ENOPH1: variants seen among roughly 807,000 people sequenced by gnomAD.
The protein encoded by ENOPH1 is enolase-phosphatase 1, also known as enolase-phosphatase E1.
A neutral mutation model predicts 31.1 loss-of-function variants in ENOPH1; 14 were observed. That is an observed-to-expected ratio of 0.45 (90% CI 0.30 to 0.70). The LOEUF is 0.70. Ranked by LOEUF, ENOPH1 falls within the 30% of genes least tolerant of loss-of-function variation. The probability of loss-of-function intolerance (pLI) is 0.09; values close to 1 mark genes in which losing one functional copy is unlikely to be tolerated. For missense variants in ENOPH1, 243 were observed against 321.5 expected, an observed-to-expected ratio of 0.76 and a Z score of 1.87; for synonymous variants, 127 against 123.2, an observed-to-expected ratio of 1.03 and a Z score of -0.21.
Position 82,447,973 on chromosome 4 carries a change from T to C in ENOPH1, c.138T>C (p.His46=), listed in dbSNP as rs1400390260. 3.1e-6 allele frequency: 5 copies of C among 1,613,340 alleles called. No individual in the cohort carries two copies. In the South Asian group the frequency reaches 3.3e-5, roughly 11 times the overall value. The change falls in exon 2 of 6, where the codon CAT becomes CAC. Residue 46 remains histidine (H), a synonymous_variant. Coordinates refer to ENST00000273920, the MANE Select transcript of ENOPH1 (RefSeq NM_021204.5). ...ATGTTAAAGAGTATCTGCAGACACA[T>C]TGGGAAGAAGAGGAGTGCCAGCAGG... ...EENVKEYLQT[H]WEEEECQQDV...
intron 1 of ENOPH1, among the ~76,000 whole-genome samples, chr4:82,435,072 G>A (rs544676018): frequency 1.3e-5 from 2 of 152,170 alleles, no homozygotes; most frequent in South Asian, 4.1e-4. Context: ...GCACTTTACC[G>A]CAGGACACAT....
At position 82,459,992 on chromosome 4, in the gene ENOPH1, G is replaced by C; in HGVS notation, c.658G>C (p.Ala220Pro). Residue 220 changes from alanine to proline, a missense_variant, in exon 6 of 6, where the codon GCT becomes CCT. Physicochemically the swap from Ala to Pro is conservative, Grantham distance 27. Transcript: ENST00000273920. ...LTDVTREASA[A>P]EEADVHVAVV... ...TTGATTTTTCACAGAGGCCAGTGCT[G>C]CTGAGGAAGCAGATGTGCACGTAGC... 1.2e-6 allele frequency: 2 copies of C among 1,613,842 alleles called. No individual in the cohort carries two copies. The highest frequency in any genetic ancestry group is 2.2e-5 in the South Asian group (2 of 91,064).
intron 1 of ENOPH1, among the ~76,000 whole-genome samples, chr4:82,445,248 C>A (rs762299658): frequency 1.3e-5 from 2 of 151,874 alleles, no homozygotes; most frequent in Non-Finnish European, 2.9e-5. Context: ...AAAAAAAATT[C>A]TTATAATGTA....
chr4:82,459,603 T>C (rs1276521466), intron 5 of ENOPH1, among the ~76,000 whole-genome samples: 1 of 152,042 alleles, frequency 6.6e-6, no homozygotes, highest in Non-Finnish European at 1.5e-5. Flanking sequence ...ACCAACAGCT[T>C]GTCCTTTGGG....
At chr4:82,440,607 A>C (rs989049246) in intron 1 of ENOPH1, among the ~76,000 whole-genome samples, 2 of 152,210 alleles carry the variant, frequency 1.3e-5, no homozygotes, top group Non-Finnish European at 2.9e-5. Context: ...GGGCCAGTCA[A>C]GTTCCCTTTC....
intron 2 of ENOPH1, among the ~76,000 whole-genome samples, chr4:82,450,234 T>C (rs12510535): frequency 0.094 from 14,254 of 152,260 alleles, 717 homozygotes; most frequent in Admixed American, 0.14. Context: ...GGAAACTAAG[T>C]GAAATGACAC....
intron 2 of ENOPH1, among the ~76,000 whole-genome samples, chr4:82,449,288 C>G (rs1722284004): frequency 6.6e-6 from 1 of 152,124 alleles, no homozygotes; most frequent in Non-Finnish European, 1.5e-5. Flanking sequence ...TTTGAGCAGT[C>G]TCTACATTTT....
intron 3 of ENOPH1, 72 bp from the exon 4 acceptor site, chr4:82,454,650 A>T (rs562452361): frequency 1.3e-6 from 2 of 1,514,458 alleles, no homozygotes; most frequent in African/African-American, 2.8e-5. Context: ...AACATATGGC[A>T]TCTGTTTTGA....
chr4:82,458,525 TA>T (rs1220837342), intron 5 of ENOPH1, among the ~76,000 whole-genome samples: 1 of 151,758 alleles, frequency 6.6e-6, no homozygotes, highest in Non-Finnish European at 1.5e-5. Context: ...CACAATAAAA[TA>T]AAAAATAAAA....
intron 1 of ENOPH1, among the ~76,000 whole-genome samples, chr4:82,445,237 A>G (rs1292044065): frequency 7.5e-6 from 1 of 133,634 alleles, no homozygotes; most frequent in Non-Finnish European, 1.7e-5. Flanking sequence ...TCAAAAAAGA[A>G]AAAAAAAATT....
rs748038687 is a variant in ENOPH1, at chr4:82,430,936, G to A, written c.84+23G>A. 4.4e-6 allele frequency: 7 copies of A among 1,603,154 alleles called. No homozygotes were observed. In the Admixed American group the frequency reaches 8.3e-5, roughly 19 times the overall value. On this transcript the variant is annotated intron_variant, in intron 1 of 5. Transcript: ENST00000273920. Reference sequence around the variant, plus strand: ...AAGGTGAGGGGCGGAAGGGAGCGGGGATGTTACTTTTCCTTAAAAACAGTT... The same window carrying A: ...AAGGTGAGGGGCGGAAGGGAGCGGGAATGTTACTTTTCCTTAAAAACAGTT...
rs1480055109 is a variant in ENOPH1 at position 82,451,139 on chromosome 4, G to A, written c.283G>A (p.Asp95Asn). 6.2e-7 allele frequency: 1 copy of A among 1,614,236 alleles called. No homozygotes were observed. Among genetic ancestry groups the A allele is most frequent in the Non-Finnish European group, 8.5e-7 (1 of 1,180,044 alleles). ...GCAACAGATGATCCAGGCCGTGGTAGATAATGTGTGCTGGCAGATGTCCCT... is the reference window on the plus strand; with the variant it reads ...GCAACAGATGATCCAGGCCGTGGTAAATAATGTGTGCTGGCAGATGTCCCT... ...DLQQMIQAVV[D>N]NVCWQMSLDR... Residue 95 changes from aspartate (D) to asparagine (N), a missense_variant, in exon 3 of 6, where the codon GAT becomes AAT. By Grantham distance (23) the Asp-to-Asn change is conservative (BLOSUM62 1). Transcript: ENST00000273920.
intron 2 of ENOPH1, 92 bp from the exon 3 acceptor site, chr4:82,450,951 G>A: frequency 9.9e-7 from 1 of 1,011,466 alleles, no homozygotes; most frequent in Admixed American, 2.1e-5. Context: ...TAATGATGGA[G>A]AAAGTTGTTC....
At chr4:82,433,744 TAC>T (rs1028263938) in intron 1 of ENOPH1, among the ~76,000 whole-genome samples, 13 of 152,212 alleles carry the variant, frequency 8.5e-5, no homozygotes, top group African/African-American at 3.1e-4. Context: ...TATACACACA[TAC>T]ACACTTTGTG....
At chr4:82,442,503 G>C (rs972594722) in intron 1 of ENOPH1, among the ~76,000 whole-genome samples, 1 of 152,034 alleles carries the variant, frequency 6.6e-6, no homozygotes, top group Non-Finnish European at 1.5e-5. Flanking sequence ...CTGGGTGACA[G>C]AGCGAGACTC....
intron 1 of ENOPH1, among the ~76,000 whole-genome samples, chr4:82,447,110 C>T (rs980169825): frequency 3.3e-5 from 5 of 152,002 alleles, no homozygotes; most frequent in African/African-American, 1.2e-4. Flanking sequence ...CTCAGCCTCC[C>T]GAGTACCTGA....
At chr4:82,432,768 T>C (rs998774055) in intron 1 of ENOPH1, among the ~76,000 whole-genome samples, 8 of 152,072 alleles carry the variant, frequency 5.3e-5, no homozygotes, top group African/African-American at 1.9e-4. Context: ...GCCTTCCGAG[T>C]AGCTGAGATT....
Position 82,451,052 on chromosome 4 carries a change from G to A in ENOPH1, c.196G>A (p.Asp66Asn), listed in dbSNP as rs1722334865. Residue 66 changes from aspartate to asparagine, a missense_variant, in exon 3 of 6, where the codon GAC (aspartate) becomes AAC (asparagine). Transcript: ENST00000273920. The part of the protein sequence containing the change: ...VSLLRKQAEE[D>N]AHLDGAVPIP... ...TGTTTCTGACTTAAAGGCTGAAGAG[G>A]ACGCCCACCTGGATGGGGCTGTTCC... The A allele has an allele frequency of 6.2e-7, 1 of 1,613,772 alleles. No homozygotes were observed.
At chr4:82,431,761 G>A (rs1721769220) in intron 1 of ENOPH1, among the ~76,000 whole-genome samples, 1 of 152,098 alleles carries the variant, frequency 6.6e-6, no homozygotes, top group Admixed American at 6.5e-5. Flanking sequence ...GCAGATACAA[G>A]TACTTCTTAG....
Sources: allele counts gnomAD v4.1 joint callset (sites outside exome capture counted in the v4.1 genomes callset), GRCh38; gene constraint gnomAD v4.1.1; transcripts MANE v1.5; gene names NCBI Gene and HGNC (gene_info 2026-07-23, HGNC 2026-07-21).